The following ZZZ3 variants were observed in gnomAD, a reference collection of about 807,000 sequenced individuals.
ZZZ3 encodes ZZ-type zinc finger-containing protein 3.
In ZZZ3, 22 loss-of-function variants were observed where a neutral mutation model predicts 95.2. That is an observed-to-expected ratio of 0.23 (90% CI 0.17 to 0.33). The LOEUF (loss-of-function observed/expected upper bound fraction) is 0.33, where lower values mean the gene tolerates loss of function less well. Ranked by LOEUF, ZZZ3 falls within the 10% of genes least tolerant of loss-of-function variation. The pLI, the probability that ZZZ3 is intolerant of heterozygous loss-of-function variation, is 1.00. For missense variants in ZZZ3, 885 were observed against 1,066.5 expected (o/e 0.83, Z 2.37); for synonymous variants, 335 against 358.9 (o/e 0.93, Z 0.75).
chr1:77,665,388 C>G (rs935344342), intron 1 of ZZZ3, among the ~76,000 whole-genome samples: 1 of 152,162 alleles, frequency 6.6e-6, no homozygotes, highest in Non-Finnish European at 1.5e-5. Context: ...ACAGGAATCT[C>G]AACTTGCTGA....
chr1:77,620,393 G>C (rs1666732243), intron 5 of ZZZ3, among the ~76,000 whole-genome samples: 1 of 150,708 alleles, frequency 6.6e-6, no homozygotes, highest in Non-Finnish European at 1.5e-5. Flanking sequence ...AAGTAAACTA[G>C]CACCACAGAA....
intron 6 of ZZZ3, among the ~76,000 whole-genome samples, chr1:77,582,784 T>A (rs1024065646): frequency 8.6e-5 from 13 of 151,910 alleles, no homozygotes; most frequent in African/African-American, 2.9e-4. Context: ...CAACATCACA[T>A]CTTTATTTCT....
intron 6 of ZZZ3, 114 bp downstream of exon 6, chr1:77,584,403 C>A: frequency 9.3e-7 from 1 of 1,074,912 alleles, no homozygotes; most frequent in South Asian, 2.4e-5. Context: ...TAATTATAGA[C>A]GAAAAAAATT....
chr1:77,603,721 T>A (rs1008326290), intron 5 of ZZZ3, among the ~76,000 whole-genome samples: 9 of 152,084 alleles, frequency 5.9e-5, no homozygotes, highest in African/African-American at 2.2e-4. Flanking sequence ...CAAGGTCTAA[T>A]ACATAAGGTA....
chr1:77,641,538 T>G lies in ZZZ3; in HGVS notation c.-285A>C, dbSNP rs1668775656. 1.0e-5 allele frequency: 4 copies of G among 398,134 alleles called. No homozygotes were observed. The highest frequency in any genetic ancestry group is 1.8e-5 in the Non-Finnish European group (4 of 225,860). The allele number at this position is 398,134 out of a possible 1,614,324, so 24.7% of individuals were successfully genotyped here. A position where few individuals can be genotyped will look rare whatever the true frequency, so the allele number is the denominator to read the frequency against. ...ATTTCTTACCTTTTAAAAAGCGTTT[T>G]GCCTAGTATTTGATCCCCATGCGTC... On this transcript the variant is annotated 5_prime_UTR_variant, in exon 2 of 15. Transcript: ENST00000370801.
intron 5 of ZZZ3, among the ~76,000 whole-genome samples, chr1:77,620,962 C>T (rs960852279): frequency 6.6e-6 from 1 of 152,130 alleles, no homozygotes; most frequent in African/African-American, 2.4e-5. Flanking sequence ...GTATATAATA[C>T]ACTAATTATA....
At chr1:77,573,075 T>C (rs980017028) in intron 12 of ZZZ3, among the ~76,000 whole-genome samples, 1 of 152,124 alleles carries the variant, frequency 6.6e-6, no homozygotes, top group African/African-American at 2.4e-5. Flanking sequence ...ATTAAGTACC[T>C]CTTAAATAAT....
At chr1:77,641,787 T>A (rs1668798613) in intron 1 of ZZZ3, 132 bp from the exon 2 acceptor site, 2 of 381,496 alleles carry the variant, frequency 5.2e-6, no homozygotes, top group African/African-American at 4.1e-5. Flanking sequence ...AGTAATTCCT[T>A]ACATTTAGCT....
At chr1:77,583,073 C>T (rs911920413) in intron 6 of ZZZ3, among the ~76,000 whole-genome samples, 1 of 151,892 alleles carries the variant, frequency 6.6e-6, no homozygotes, top group East Asian at 1.9e-4. Flanking sequence ...CCCCACTGCA[C>T]TCCAGCCTGG....
chr1:77,593,263 G>A (rs1337604906), intron 5 of ZZZ3, among the ~76,000 whole-genome samples: 1 of 152,110 alleles, frequency 6.6e-6, no homozygotes, highest in Admixed American at 6.5e-5. Flanking sequence ...CCCATACCTA[G>A]GTACGACCTC....
At chr1:77,683,310 C>G (rs1228240804), upstream of ZZZ3, 1 of 151,384 alleles carries the variant, frequency 6.6e-6, no homozygotes, top group Non-Finnish European at 1.5e-5. Flanking sequence ...GGCGCCGCCG[C>G]CGTGGCCGCT....
intron 5 of ZZZ3, among the ~76,000 whole-genome samples, chr1:77,586,721 A>G (rs540988643): frequency 1.3e-4 from 20 of 152,208 alleles, no homozygotes; most frequent in Middle Eastern, 3.2e-3. Context: ...TTCAAGCTCA[A>G]AATAATGAAG....
At chr1:77,609,764 T>G (rs1665597812) in intron 5 of ZZZ3, among the ~76,000 whole-genome samples, 1 of 151,878 alleles carries the variant, frequency 6.6e-6, no homozygotes, top group South Asian at 2.1e-4. Context: ...CACATGCAAA[T>G]TAAACAATAT....
chr1:77,619,149 A>G (rs955844969), intron 5 of ZZZ3, among the ~76,000 whole-genome samples: 1 of 152,184 alleles, frequency 6.6e-6, no homozygotes, highest in African/African-American at 2.4e-5. Flanking sequence ...CCACTGTAAA[A>G]TCTAAAATGT....
chr1:77,660,699 G>A (rs779163915), intron 1 of ZZZ3, among the ~76,000 whole-genome samples: 11 of 152,084 alleles, frequency 7.2e-5, no homozygotes, highest in African/African-American at 1.9e-4. Flanking sequence ...TTCAAGACCC[G>A]GCCTTCAATC....
chr1:77,675,221 A>C (rs1672150225), intron 1 of ZZZ3, among the ~76,000 whole-genome samples: 1 of 152,222 alleles, frequency 6.6e-6, no homozygotes, highest in Admixed American at 6.5e-5. Flanking sequence ...TCTATAATAC[A>C]GCCAAGCCAC....
chr1:77,600,917 T>G (rs1403860861), intron 5 of ZZZ3, among the ~76,000 whole-genome samples: 3 of 152,190 alleles, frequency 2.0e-5, no homozygotes, highest in Non-Finnish European at 4.4e-5. Flanking sequence ...AGACTGAGTT[T>G]TAACCTGAGT....
chr1:77,630,064 C>A (rs1273501534), intron 5 of ZZZ3, among the ~76,000 whole-genome samples: 2 of 152,028 alleles, frequency 1.3e-5, no homozygotes, highest in African/African-American at 4.8e-5. Context: ...CAATAAAAAG[C>A]AAAGAACAGA....
intron 5 of ZZZ3, among the ~76,000 whole-genome samples, chr1:77,624,018 T>C (rs527822551): frequency 6.6e-6 from 1 of 152,208 alleles, no homozygotes; most frequent in African/African-American, 2.4e-5. Flanking sequence ...ACACAAAAAA[T>C]AGCATATATG....
Sources: gnomAD v4.1 joint callset for allele counts (sites outside exome capture counted in the v4.1 genomes callset) on GRCh38, gnomAD v4.1.1 for gene constraint, MANE v1.5 for transcripts, NCBI Gene and HGNC (gene_info 2026-07-23, HGNC 2026-07-21) for gene names.